Variants in MICALL1 observed in about 807,000 individuals in gnomAD.
The protein encoded by MICALL1 is MICAL like 1.
Under a neutral mutation model 83.7 loss-of-function variants are expected in MICALL1, and 61 were observed. The observed-to-expected ratio is 0.73, with a 90% CI of 0.59 to 0.90. The LOEUF is 0.90. MICALL1 is among the 40% of genes least tolerant of loss of function. MICALL1 has a pLI of 0.00. For synonymous variants in MICALL1, 481 were observed against 473.6 expected (o/e 1.02, Z -0.20); for missense variants, 1,066 against 1,152.0 (o/e 0.93, Z 1.08).
chr22:37,922,324 G>C lies in MICALL1; in HGVS notation c.922G>C (p.Ala308Pro). Residue 308 changes from alanine to proline, a missense_variant, in exon 6 of 16, where the codon GCC becomes CCC. Coordinates refer to ENST00000215957, the MANE Select transcript of MICALL1 (RefSeq NM_033386.4). ...AGRPTPAPRKASESTTPAPPT... is the reference protein window; with the variant it reads ...AGRPTPAPRKPSESTTPAPPT... ...CCGCCCCACCCCTGCCCCCAGGAAG[G>C]CCTCTGAGAGCACCACCCCAGCACC... 2 of 1,529,662 alleles carry C rather than the reference G, an allele frequency of 1.3e-6. No homozygotes were observed. Among genetic ancestry groups the C allele is most frequent in the African/African-American group, 2.7e-5 (2 of 72,842 alleles). The allele number at this position is 1,529,662 out of a possible 1,614,324, so 94.8% of individuals were successfully genotyped here.
chr22:37,922,167 C>CG lies in MICALL1; in HGVS notation c.767dup (p.Ser258GlnfsTer9). The CG allele has an allele frequency of 6.2e-7, 1 of 1,613,014 alleles. No homozygotes were observed. Among genetic ancestry groups the CG allele is most frequent in the Non-Finnish European group, 8.5e-7 (1 of 1,179,950 alleles). ...AAGATGCCAAGGATGTTCCAGGAGG[C>CG]GGCCCCAGCTCCAGTGCTCCTGCAG... On this transcript the variant is annotated frameshift_variant, in exon 6 of 16. Transcript: ENST00000215957. LOFTEE classifies it high-confidence loss of function.
chr22:37,934,711 C>G (rs1382223640), intron 13 of MICALL1, among the ~76,000 whole-genome samples: 2 of 150,852 alleles, frequency 1.3e-5, no homozygotes, highest in Non-Finnish European at 3.0e-5. Context: ...ATTTTCCTGC[C>G]TGAGCCTCCC....
At chr22:37,925,604 GA>G in intron 7 of MICALL1, 56 bp from the exon 8 acceptor site, 1 of 1,403,658 alleles carries the variant, frequency 7.1e-7, no homozygotes, top group Non-Finnish European at 9.8e-7. Context: ...TCTAGAGAGA[GA>G]AGGAAGCTGA....
rs1016533697 is a variant in MICALL1, at chr22:37,920,891, A to G, written c.570-1081A>G. Reference sequence around the variant, plus strand: ...CAGTGAGCCGAGATCACGCCACTGCACTCCGGCCTGGGCGACAGACTGAGA... The same window carrying G: ...CAGTGAGCCGAGATCACGCCACTGCGCTCCGGCCTGGGCGACAGACTGAGA... On this transcript the variant is annotated intron_variant, in intron 5 of 15. Transcript: ENST00000215957. Among the ~76,000 whole-genome samples the G allele has an allele frequency of 3.3e-5, 5 of 151,776 alleles. No individual in the cohort carries two copies. The East Asian group carries it at 7.8e-4, about 24-fold the overall frequency.
At chr22:37,939,630 C>T (rs563138576) in intron 15 of MICALL1, among the ~76,000 whole-genome samples, 20 of 151,926 alleles carry the variant, frequency 1.3e-4, no homozygotes, top group African/African-American at 4.8e-4. Context: ...AAAAATTAGC[C>T]GCGCATGGCA....
At chr22:37,936,958 A>T in intron 13 of MICALL1, 122 bp from the exon 14 acceptor site, 2 of 705,584 alleles carry the variant, frequency 2.8e-6, no homozygotes, top group Non-Finnish European at 4.7e-6. Flanking sequence ...TTCTGCGCTT[A>T]GTTTCTTGCA....
rs1929063085 is a variant in MICALL1, at chr22:37,922,016, A to G, written c.614A>G (p.Asn205Ser). 1.9e-6 allele frequency: 3 copies of G among 1,607,186 alleles called. No homozygotes were observed. Among genetic ancestry groups the G allele is most frequent in the East Asian group, 2.2e-5 (1 of 44,782 alleles). Residue 205 changes from asparagine to serine, a missense_variant, in exon 6 of 16, where the codon AAT becomes AGT. Transcript: ENST00000215957. ...SSTLLPGAYE[N>S]GPEEGTFVCA... ...ACCCTGCTCCCTGGGGCTTATGAGA[A>G]TGGGCCTGAGGAGGGCACCTTTGTG...
intron 13 of MICALL1, among the ~76,000 whole-genome samples, chr22:37,936,679 T>G (rs549370514): frequency 6.6e-6 from 1 of 152,236 alleles, no homozygotes; most frequent in Non-Finnish European, 1.5e-5. Context: ...GATCACGAGG[T>G]CAGGAGATCG....
At chr22:37,920,102 G>A (rs1425198718) in intron 5 of MICALL1, among the ~76,000 whole-genome samples, 1 of 152,068 alleles carries the variant, frequency 6.6e-6, no homozygotes, top group Non-Finnish European at 1.5e-5. Context: ...CGGGACTACA[G>A]GCATGTGCTA....
Position 37,933,070 on chromosome 22 carries a change from G to T in MICALL1, c.2266G>T (p.Ala756Ser). The T allele has an allele frequency of 1.2e-6, 2 of 1,613,984 alleles. No individual in the cohort carries two copies. Among genetic ancestry groups the T allele is most frequent in the Non-Finnish European group, 1.7e-6 (2 of 1,180,006 alleles). ...FKQQNLEQRQ[A>S]DVEYELRCLL... ...GCAGCAGAACCTGGAGCAGCGCCAG[G>T]CTGATGTCGAGTATGAGCTCCGGTG... Residue 756 changes from alanine (A) to serine (S), a missense_variant, in exon 13 of 16, where the codon GCT becomes TCT. Physicochemically the swap from Ala to Ser is moderately conservative, Grantham distance 99. Transcript: ENST00000215957.
At chr22:37,937,225 G>C in intron 14 of MICALL1, 31 bp downstream of exon 14, 1 of 1,521,576 alleles carries the variant, frequency 6.6e-7, no homozygotes, top group South Asian at 1.2e-5. Flanking sequence ...GGGTCCTGGG[G>C]GCAGGGCCAG....
chr22:37,937,141 C>G lies in MICALL1; in HGVS notation c.2370C>G (p.Thr790=). 6.4e-7 allele frequency: 1 copy of G among 1,551,584 alleles called. No individual in the cohort carries two copies. Among genetic ancestry groups the G allele is most frequent in the East Asian group, 2.4e-5 (1 of 40,900 alleles). Reference sequence around the variant, plus strand: ...AGGTGCTGATGCAGGAGCTTGTGACCCTCATTGAGCAGCGCAACGCTATCA... The same window carrying G: ...AGGTGCTGATGCAGGAGCTTGTGACGCTCATTGAGCAGCGCAACGCTATCA... ...REKVLMQELV[T]LIEQRNAIIN... Residue 790 remains threonine, a synonymous_variant, in exon 14 of 16, where the codon ACC becomes ACG. Coordinates refer to ENST00000215957, the MANE Select transcript of MICALL1 (RefSeq NM_033386.4).
chr22:37,919,245 C>T, intron 5 of MICALL1, 67 bp downstream of exon 5: 1 of 1,420,598 alleles, frequency 7.0e-7, no homozygotes. Flanking sequence ...TCAGCACACA[C>T]AGTGCGCCAG....
intron 8 of MICALL1, 92 bp from the exon 9 acceptor site, chr22:37,927,319 C>T (rs997774299): frequency 5.1e-6 from 7 of 1,379,468 alleles, no homozygotes; most frequent in Non-Finnish European, 6.7e-6. Flanking sequence ...TCTGGGGCTG[C>T]CTGCGGCTCT....
chr22:37,922,601 ATTTTTTTTTTTT>A (rs1198282750), intron 6 of MICALL1, among the ~76,000 whole-genome samples, 175 bp downstream of exon 6: 5 of 31,934 alleles, frequency 1.6e-4, no homozygotes, highest in African/African-American at 5.3e-4. Context: ...ATATATATAT[ATTTTTTTTTTTT>A]TTTTTTTTTT....
Position 37,932,022 on chromosome 22 carries a change from G to A in MICALL1, c.2016+89G>A. 2 of 1,532,618 alleles carry A rather than the reference G, an allele frequency of 1.3e-6. No individual in the cohort carries two copies. Among genetic ancestry groups the A allele is most frequent in the Non-Finnish European group, 8.7e-7 (1 of 1,144,546 alleles). The allele number at this position is 1,532,618 out of a possible 1,614,324, so 94.9% of individuals were successfully genotyped here. A position where few individuals can be genotyped will look rare whatever the true frequency, so the allele number is the denominator to read the frequency against. ...CAGTCTTCCCCTGGGACTCTAAGGA[G>A]GCTGGCTGGCTAGGCAGTGGGCCTC... is the stretch of plus-strand genomic sequence containing the variant. On this transcript the variant is annotated intron_variant, in intron 10 of 15. Transcript: ENST00000215957. This position sits in a 1 kb window ranked among gnomAD's most constrained non-coding sequence, Gnocchi z 4.4.
rs1927954116 is a variant in MICALL1, at chr22:37,906,539, C to T, written c.117C>T (p.Ala39=). The part of the protein sequence containing the change: ...SSFRDGLAFC[A]ILHRHRPDLL... Reference sequence around the variant, plus strand: ...TCCGGGACGGCCTGGCCTTCTGCGCCATCCTGCACCGGCACCGGCCCGACC... The same window carrying T: ...TCCGGGACGGCCTGGCCTTCTGCGCTATCCTGCACCGGCACCGGCCCGACC... Residue 39 remains alanine, a synonymous_variant, in exon 1 of 16, where the codon GCC becomes GCT. Coordinates refer to ENST00000215957, the MANE Select transcript of MICALL1 (RefSeq NM_033386.4). The surrounding 1 kb of genome is among the most constrained non-coding windows in gnomAD (Gnocchi z 4.4). The T allele has an allele frequency of 8.3e-7, 1 of 1,202,600 alleles. No individual in the cohort carries two copies. The highest frequency in any genetic ancestry group is 1.0e-6 in the Non-Finnish European group (1 of 960,956). The allele number at this position is 1,202,600 out of a possible 1,614,324, so 74.5% of individuals were successfully genotyped here.
At chr22:37,916,335 C>G (rs902513838) in intron 3 of MICALL1, among the ~76,000 whole-genome samples, 1 of 152,182 alleles carries the variant, frequency 6.6e-6, no homozygotes, top group Non-Finnish European at 1.5e-5. Context: ...AATAAATCTG[C>G]CTTTTGTAAT....
rs990751264 is a variant in MICALL1 at position 37,930,583 on chromosome 22, C to T, written c.1882-1216C>T. Reference sequence around the variant, plus strand: ...GGCCTCTGTAAGGGGCTCGCAGTGACGTCTGTTTCCAATGAGCTGGGAAGA... The same window carrying T: ...GGCCTCTGTAAGGGGCTCGCAGTGATGTCTGTTTCCAATGAGCTGGGAAGA... On this transcript the variant is annotated intron_variant, in intron 9 of 15. Transcript: ENST00000215957. This position sits in a 1 kb window ranked among gnomAD's most constrained non-coding sequence, Gnocchi z 4.8. 1.3e-5 allele frequency among the ~76,000 whole-genome samples: 2 copies of T among 152,236 alleles called. No homozygotes were observed. Among genetic ancestry groups the T allele is most frequent in the African/African-American group, 2.4e-5 (1 of 41,452 alleles).
Sources: gnomAD v4.1 joint callset for allele counts (sites outside exome capture counted in the v4.1 genomes callset) on GRCh38, gnomAD v4.1.1 for gene constraint, Gnocchi (gnomAD v3.1) non-coding constraint, MANE v1.5 for transcripts, NCBI Gene and HGNC (gene_info 2026-07-23, HGNC 2026-07-21) for gene names.